The following MLLT10 variants were observed in gnomAD, a reference collection of about 807,000 sequenced individuals.
MLLT10 encodes the protein protein AF-10.
A neutral mutation model predicts 129.1 loss-of-function variants in MLLT10; 30 were observed. The ratio of observed to expected loss-of-function variants is 0.23; its 90% CI spans 0.17 to 0.32. The LOEUF (loss-of-function observed/expected upper bound fraction) is 0.32. Among genes scored for constraint, MLLT10 ranks in the 10% least tolerant of loss-of-function variants. MLLT10 has a pLI of 1.00. For missense variants in MLLT10, 1,119 were observed against 1,268.3 expected (o/e 0.88, Z 1.79); for synonymous variants, 490 against 446.4 (o/e 1.10, Z -1.23).
intron 13 of MLLT10, among the ~76,000 whole-genome samples, chr10:21,692,127 T>G (rs905752626): frequency 9.3e-5 from 14 of 151,190 alleles, no homozygotes; most frequent in African/African-American, 3.4e-4. Flanking sequence ...TGACCTGAGA[T>G]CACGCTACTG....
intron 4 of MLLT10, among the ~76,000 whole-genome samples, chr10:21,594,597 C>T (rs976810673): frequency 2.8e-5 from 4 of 140,892 alleles, no homozygotes; most frequent in East Asian, 4.2e-4. Context: ...TCCTCACCAC[C>T]GCTTTCTCTG....
chr10:21,595,802 G>A (rs12217370), intron 5 of MLLT10, among the ~76,000 whole-genome samples: 19,583 of 151,908 alleles, frequency 0.13, 1,379 homozygotes, highest in East Asian at 0.3. Context: ...TCATTACAAT[G>A]TATCATACAT....
chr10:21,622,258 A>G (rs2045952246), intron 8 of MLLT10, among the ~76,000 whole-genome samples: 1 of 149,628 alleles, frequency 6.7e-6, no homozygotes. Context: ...CCGTGGCTCA[A>G]GGGATCCTCC....
chr10:21,595,800 A>G (rs933926528), intron 5 of MLLT10, among the ~76,000 whole-genome samples: 6 of 152,124 alleles, frequency 3.9e-5, no homozygotes, highest in African/African-American at 1.2e-4. Context: ...ATTCATTACA[A>G]TGTATCATAC....
intron 21 of MLLT10, among the ~76,000 whole-genome samples, 171 bp from the exon 22 acceptor site, chr10:21,739,859 A>AT (rs1265765748): frequency 6.6e-6 from 1 of 152,104 alleles, no homozygotes; most frequent in Non-Finnish European, 1.5e-5. Flanking sequence ...AGATACTGAC[A>AT]TTTTATAGTA....
Position 21,534,312 on chromosome 10 carries a change from CCT to C in MLLT10, c.-207_-206del, listed in dbSNP as rs1391596271. 235 of 380,996 alleles carry C rather than the reference CCT, an allele frequency of 6.2e-4. 2 individuals carry two copies. The highest frequency in any genetic ancestry group is 1.9e-3 in the African/African-American group (88 of 47,488). 23.6% of individuals were successfully genotyped at this position (380,996 alleles called of 1,614,324 possible). A position where few individuals can be genotyped will look rare whatever the true frequency, so the allele number is the denominator to read the frequency against. On this transcript the variant is annotated 5_prime_UTR_variant, in exon 1 of 23. Transcript: ENST00000307729. Reference sequence around the variant, plus strand: ...TGCCCCTGGCCCAGCGGGAGCCCCCCCTCCCCCCAGTGCGCCTGTGCGGAGGC... The same window carrying C: ...TGCCCCTGGCCCAGCGGGAGCCCCCCCCCCCCAGTGCGCCTGTGCGGAGGC...
chr10:21,565,142 C>G (rs1203801242), intron 3 of MLLT10, among the ~76,000 whole-genome samples: 1 of 151,998 alleles, frequency 6.6e-6, no homozygotes, highest in Non-Finnish European at 1.5e-5. Context: ...GTCTCTAGTA[C>G]TTTTTCTTTG....
chr10:21,657,392 C>CAA (rs904471815), intron 9 of MLLT10, among the ~76,000 whole-genome samples: 715 of 48,852 alleles, frequency 0.015, 11 homozygotes, highest in African/African-American at 0.021. Flanking sequence ...GACTCTGTCT[C>CAA]AAAAAAAAAA....
chr10:21,614,862 G>C lies in MLLT10; in HGVS notation c.541G>C (p.Glu181Gln). Residue 181 changes from glutamate (E) to glutamine (Q), a missense_variant, in exon 7 of 23, where the codon GAA becomes CAA. Glu to Gln is a conservative substitution (Grantham distance 29). Transcript: ENST00000307729. Reference sequence around the variant, plus strand: ...GTTTGCCGGACTGCTTTGTGAAGAAGAAGGTAATGGTGCCGATAATGTCCA... The same window carrying C: ...GTTTGCCGGACTGCTTTGTGAAGAACAAGGTAATGGTGCCGATAATGTCCA... ...AQFAGLLCEE[E>Q]GNGADNVQYC... is the part of the protein sequence containing the mutation. 1 of 1,612,878 alleles carries C rather than the reference G, an allele frequency of 6.2e-7. No homozygotes were observed.
At chr10:21,633,438 CTTA>C (rs2047182471) in intron 8 of MLLT10, among the ~76,000 whole-genome samples, 1 of 152,190 alleles carries the variant, frequency 6.6e-6, no homozygotes, top group African/African-American at 2.4e-5. Flanking sequence ...GGCATAGTGG[CTTA>C]TGCATGTAAT....
At chr10:21,723,853 T>C (rs192476736) in intron 14 of MLLT10, among the ~76,000 whole-genome samples, 2 of 152,362 alleles carry the variant, frequency 1.3e-5, no homozygotes, top group Admixed American at 6.5e-5. Context: ...TATTTTTAAG[T>C]ATTAGGATCT....
chr10:21,569,317 T>G (rs545744298), intron 3 of MLLT10, among the ~76,000 whole-genome samples: 15 of 151,518 alleles, frequency 9.9e-5, no homozygotes, highest in Non-Finnish European at 2.1e-4. Flanking sequence ...TGCAGTGGCA[T>G]GCACAATCAT....
At chr10:21,558,731 CTATT>C (rs1408793047) in intron 3 of MLLT10, among the ~76,000 whole-genome samples, 4 of 152,000 alleles carry the variant, frequency 2.6e-5, no homozygotes, top group Admixed American at 2.6e-4. Context: ...GTAGAGACAT[CTATT>C]TGTTTTGACA....
At chr10:21,619,584 C>T (rs942062398) in intron 8 of MLLT10, among the ~76,000 whole-genome samples, 1 of 152,092 alleles carries the variant, frequency 6.6e-6, no homozygotes, top group African/African-American at 2.4e-5. Context: ...TTTAGTCAAA[C>T]TTGTTTAGCT....
chr10:21,657,396 A>AAAC (rs2049714682), intron 9 of MLLT10, among the ~76,000 whole-genome samples: 1 of 150,630 alleles, frequency 6.6e-6, no homozygotes, highest in Non-Finnish European at 1.5e-5. Context: ...CTGTCTCAAA[A>AAAC]AAAAAAAAAA....
At chr10:21,633,973 T>G (rs188099133) in intron 8 of MLLT10, among the ~76,000 whole-genome samples, 2 of 151,778 alleles carry the variant, frequency 1.3e-5, no homozygotes, top group African/African-American at 4.8e-5. Flanking sequence ...TAGTCTCCTT[T>G]AATCTAAAAT....
intron 3 of MLLT10, among the ~76,000 whole-genome samples, chr10:21,576,399 C>T (rs1367945669): frequency 1.3e-5 from 2 of 151,694 alleles, no homozygotes; most frequent in East Asian, 1.9e-4. Flanking sequence ...CCCGCCACCA[C>T]GCCCGGCTAA....
rs1415229201 is a variant in MLLT10 at position 21,534,627 on chromosome 10, C to T, written c.1-18C>T. The stretch of plus-strand genomic sequence containing the variant: ...GGCTTGCATGTGTTTTTTAATGGTC[C>T]CCCCAACTCCCTCTTAGATGGTCTC... On this transcript the variant is annotated intron_variant, in intron 1 of 22. Transcript: ENST00000307729. The T allele has an allele frequency of 6.3e-7, 1 of 1,594,916 alleles. No individual in the cohort carries two copies. The highest frequency in any genetic ancestry group is 1.4e-5 in the African/African-American group (1 of 74,016).
chr10:21,681,863 G>A (rs2052770738), intron 12 of MLLT10, among the ~76,000 whole-genome samples: 1 of 152,036 alleles, frequency 6.6e-6, no homozygotes, highest in African/African-American at 2.4e-5. Flanking sequence ...CCCTAAGGCA[G>A]ATTTACCTAT....
Sources: allele counts gnomAD v4.1 joint callset (sites outside exome capture counted in the v4.1 genomes callset), GRCh38; gene constraint gnomAD v4.1.1; transcripts MANE v1.5; gene names NCBI Gene and HGNC (gene_info 2026-07-23, HGNC 2026-07-21).